EFR3B: variants seen among roughly 807,000 people sequenced by gnomAD.
EFR3B encodes the protein EFR3 homolog B.
EFR3B carries 64 observed loss-of-function variants against 104.7 expected under a neutral mutation model. The ratio of observed to expected loss-of-function variants is 0.61; its 90% confidence interval spans 0.50 to 0.75. EFR3B has a LOEUF of 0.75. Ranked by LOEUF, EFR3B falls within the 30% of genes least tolerant of loss-of-function variation. The pLI, the probability that EFR3B is intolerant of heterozygous loss-of-function variation, is 0.00. For missense variants in EFR3B, 750 were observed against 1,078.5 expected (o/e 0.70, Z 4.27); for synonymous variants, 385 against 417.9 (o/e 0.92, Z 0.96).
At chr2:25,135,409 C>T in intron 12 of EFR3B, 58 bp from the exon 13 acceptor site, 1 of 1,537,676 alleles carries the variant, frequency 6.5e-7, no homozygotes, top group Non-Finnish European at 8.8e-7. Context: ...CCTCCATCTC[C>T]TCCTGCACCT....
chr2:25,129,714 A>G (rs1670276055), intron 6 of EFR3B, among the ~76,000 whole-genome samples: 1 of 152,140 alleles, frequency 6.6e-6, no homozygotes, highest in Non-Finnish European at 1.5e-5. Flanking sequence ...TCCTTCCCAC[A>G]GTGGTACATC....
At chr2:25,153,575 C>A in intron 21 of EFR3B, 137 bp from the exon 22 acceptor site, 3 of 793,182 alleles carry the variant, frequency 3.8e-6, no homozygotes, top group Non-Finnish European at 6.3e-6. Context: ...AGTGCTGGAG[C>A]GTGTTCACCT....
At chr2:25,127,427 C>G (rs76709404) in intron 5 of EFR3B, among the ~76,000 whole-genome samples, 20,450 of 152,036 alleles carry the variant, frequency 0.13, 2,703 homozygotes, top group African/African-American at 0.34. Context: ...GGAATTACAT[C>G]AAAATGCCAA....
At chr2:25,146,664 C>T (rs1437760850) in intron 19 of EFR3B, 7 of 152,250 alleles carry the variant, frequency 4.6e-5, no homozygotes, top group African/African-American at 1.7e-4. Context: ...CTAGTGGCCT[C>T]CTGGGCCACC....
At chr2:25,118,206 C>A (rs1426953636) in intron 4 of EFR3B, among the ~76,000 whole-genome samples, 2 of 152,194 alleles carry the variant, frequency 1.3e-5, no homozygotes, top group Admixed American at 1.3e-4. Flanking sequence ...GTCTCGAACT[C>A]CTGACCTCAA....
Position 25,100,655 on chromosome 2 carries a change from G to A in EFR3B, c.213-2982G>A, listed in dbSNP as rs544190188. Among the ~76,000 whole-genome samples the A allele has an allele frequency of 1.1e-4, 16 of 152,272 alleles. No homozygotes were observed. The South Asian group carries it at 3.3e-3, about 32-fold the overall frequency. On this transcript the variant is annotated intron_variant, in intron 3 of 22. Coordinates refer to ENST00000403714, the MANE Select transcript of EFR3B (RefSeq NM_014971.2). ...CTACAGGCACCTGCCACCGCGCCTG[G>A]CTAATTTTTGGTATTTTTAGTAGAG...
At chr2:25,061,650 C>T (rs1293002885) in intron 1 of EFR3B, among the ~76,000 whole-genome samples, 3 of 151,874 alleles carry the variant, frequency 2.0e-5, no homozygotes, top group Admixed American at 6.6e-5. Flanking sequence ...TGCGCCACCA[C>T]GCCCGGCTAT....
chr2:25,081,764 C>A, intron 1 of EFR3B: 1 of 440,170 alleles, frequency 2.3e-6, no homozygotes, highest in East Asian at 3.5e-5. Context: ...ATTTTAAAAT[C>A]AGTGTGAGAG....
chr2:25,131,268 C>T lies in EFR3B; in HGVS notation c.850-100C>T. On this transcript the variant is annotated intron_variant, in intron 8 of 22. Coordinates refer to ENST00000403714, the MANE Select transcript of EFR3B (RefSeq NM_014971.2). The surrounding 1 kb of genome is among the most constrained non-coding windows in gnomAD (Gnocchi z 7.6). The stretch of plus-strand genomic sequence containing the variant: ...TGCAGTGCCCGGGGCCTTGGAACGT[C>T]CCTTTAGTTTACCCCCGCCTTTGGG... The T allele has an allele frequency of 1.4e-6, 2 of 1,464,656 alleles. No individual in the cohort carries two copies. The highest frequency in any genetic ancestry group is 1.8e-6 in the Non-Finnish European group (2 of 1,097,012). The allele number at this position is 1,464,656 out of a possible 1,614,324, so 90.7% of individuals were successfully genotyped here.
chr2:25,148,081 C>T (rs1312307770), intron 19 of EFR3B, among the ~76,000 whole-genome samples: 2 of 147,576 alleles, frequency 1.4e-5, no homozygotes, highest in South Asian at 2.2e-4. Context: ...TCTAATAGCT[C>T]TTTGTCTAGT....
At position 25,136,674 on chromosome 2, in the gene EFR3B, G is replaced by T; in HGVS notation, c.1560+76G>T. On this transcript the variant is annotated intron_variant, in intron 14 of 22. Coordinates refer to ENST00000403714, the MANE Select transcript of EFR3B (RefSeq NM_014971.2). This position sits in a 1 kb window ranked among gnomAD's most constrained non-coding sequence, Gnocchi z 4.0. Reference sequence around the variant, plus strand: ...CGCCTGCAATCCCAGCACTTTGGGAGGCTGAGGCGGGCGGATAGATCACTT... The same window carrying T: ...CGCCTGCAATCCCAGCACTTTGGGATGCTGAGGCGGGCGGATAGATCACTT... The T allele has an allele frequency of 2.3e-6, 3 of 1,279,760 alleles. No homozygotes were observed. The highest frequency in any genetic ancestry group is 3.3e-6 in the Non-Finnish European group (3 of 906,600). 79.3% of individuals were successfully genotyped at this position (1,279,760 alleles called of 1,614,324 possible).
intron 1 of EFR3B, chr2:25,058,173 C>T (rs1668076339): frequency 6.6e-6 from 1 of 152,164 alleles, no homozygotes; most frequent in Non-Finnish European, 1.5e-5. Context: ...ATGGTAACCT[C>T]CAGAGAGCAG....
At chr2:25,095,346 A>G (rs1191858142) in intron 3 of EFR3B, among the ~76,000 whole-genome samples, 1 of 152,210 alleles carries the variant, frequency 6.6e-6, no homozygotes, top group African/African-American at 2.4e-5. Flanking sequence ...AGTATTTGCA[A>G]TCAAGTTAAA....
intron 1 of EFR3B, among the ~76,000 whole-genome samples, chr2:25,069,841 C>A (rs1239167173): frequency 6.6e-6 from 1 of 152,184 alleles, no homozygotes; most frequent in Non-Finnish European, 1.5e-5. Flanking sequence ...GGACTACAGG[C>A]ATGCGCCACC....
intron 1 of EFR3B, among the ~76,000 whole-genome samples, chr2:25,047,039 C>A (rs1667742296): frequency 6.6e-6 from 1 of 152,188 alleles, no homozygotes; most frequent in Non-Finnish European, 1.5e-5. Context: ...GCCAGGTGAG[C>A]CTGTTTTCTC....
chr2:25,103,396 A>G (rs1298187694), intron 3 of EFR3B, among the ~76,000 whole-genome samples: 2 of 152,200 alleles, frequency 1.3e-5, no homozygotes, highest in Non-Finnish European at 2.9e-5. Flanking sequence ...CTTAATCTGT[A>G]AAAGGAGGGG....
chr2:25,120,367 C>T lies in EFR3B; in HGVS notation c.364-1306C>T, dbSNP rs1028159545. Among the ~76,000 whole-genome samples the T allele has an allele frequency of 4.0e-5, 6 of 149,838 alleles. No individual in the cohort carries two copies. The South Asian group carries it at 8.5e-4, about 21-fold the overall frequency. On this transcript the variant is annotated intron_variant, in intron 4 of 22. Coordinates refer to ENST00000403714, the MANE Select transcript of EFR3B (RefSeq NM_014971.2). The stretch of plus-strand genomic sequence containing the variant: ...CTTCATCTCAAAAAAAAACCCTGGC[C>T]GGGCGCAGTGGCTCATGCCTGTAAT...
At chr2:25,091,502 A>AGG (rs1272745977) in intron 2 of EFR3B, 101 bp downstream of exon 2, 1 of 1,013,354 alleles carries the variant, frequency 9.9e-7, no homozygotes, top group African/African-American at 1.7e-5. Context: ...TGGGGAAGGC[A>AGG]GGGCCTCTCA....
chr2:25,104,385 C>T (rs1013548963), intron 4 of EFR3B, among the ~76,000 whole-genome samples: 1 of 152,076 alleles, frequency 6.6e-6, no homozygotes, highest in Admixed American at 6.6e-5. Context: ...CAAACAACAA[C>T]AAAAAATGTG....
Sources: gnomAD v4.1 joint callset for allele counts (sites outside exome capture counted in the v4.1 genomes callset) on GRCh38, gnomAD v4.1.1 for gene constraint, Gnocchi (gnomAD v3.1) non-coding constraint, MANE v1.5 for transcripts, NCBI Gene and HGNC (gene_info 2026-07-23, HGNC 2026-07-21) for gene names.